The following TTC23 variants were observed in gnomAD, a reference collection of about 807,000 sequenced individuals.
TTC23 encodes tetratricopeptide repeat protein 23.
Under a neutral mutation model 55.1 loss-of-function variants are expected in TTC23, and 58 were observed. The observed-to-expected ratio is 1.05, with a 90% CI of 0.85 to 1.31. The LOEUF (loss-of-function observed/expected upper bound fraction) is 1.31, where lower values mean the gene tolerates loss of function less well. TTC23 is among the 50% of genes most tolerant of loss of function. The probability of loss-of-function intolerance (pLI) is 0.00; values close to 1 mark genes in which losing one functional copy is unlikely to be tolerated. For missense variants in TTC23, 516 were observed against 534.4 expected (o/e 0.97, Z 0.34); for synonymous variants, 203 against 199.9 (o/e 1.02, Z -0.13).
At chr15:99,206,404 G>A (rs1236116953) in intron 8 of TTC23, among the ~76,000 whole-genome samples, 1 of 152,142 alleles carries the variant, frequency 6.6e-6, no homozygotes, top group East Asian at 1.9e-4. Flanking sequence ...TTCTTAAAAT[G>A]TGTGGTAGAA....
intron 4 of TTC23, among the ~76,000 whole-genome samples, chr15:99,230,138 T>A (rs1172223125): frequency 3.3e-5 from 5 of 152,060 alleles, no homozygotes; most frequent in Admixed American, 1.3e-4. Flanking sequence ...ATAAAAACAT[T>A]AAAACAATTA....
chr15:99,217,105 A>G (rs1351368471), intron 8 of TTC23, among the ~76,000 whole-genome samples: 1 of 152,202 alleles, frequency 6.6e-6, no homozygotes, highest in African/African-American at 2.4e-5. Flanking sequence ...AGTGGAAAAA[A>G]TAAGAAGCAG....
intron 1 of TTC23, among the ~76,000 whole-genome samples, chr15:99,247,603 G>A (rs184277192): frequency 1.1e-3 from 169 of 152,296 alleles, no homozygotes; most frequent in Non-Finnish European, 1.8e-3. Context: ...GAAACTAGAT[G>A]CAAAGGATCG....
intron 9 of TTC23, among the ~76,000 whole-genome samples, chr15:99,193,498 A>G (rs569733904): frequency 6.6e-6 from 1 of 152,252 alleles, no homozygotes; most frequent in South Asian, 2.1e-4. Flanking sequence ...CCATCCACAT[A>G]TGACATGACT....
At chr15:99,192,594 T>C (rs2075336110) in intron 9 of TTC23, among the ~76,000 whole-genome samples, 1 of 152,152 alleles carries the variant, frequency 6.6e-6, no homozygotes, top group African/African-American at 2.4e-5. Context: ...TTTCACAAGA[T>C]GTATGGAAAT....
At chr15:99,202,368 G>T (rs2076272111) in intron 8 of TTC23, among the ~76,000 whole-genome samples, 1 of 152,084 alleles carries the variant, frequency 6.6e-6, no homozygotes, top group Admixed American at 6.5e-5. Flanking sequence ...TTGTTTCCCA[G>T]ACTGCCCGTA....
intron 11 of TTC23, chr15:99,158,015 T>C (rs1381702429): frequency 6.6e-6 from 1 of 152,092 alleles, no homozygotes; most frequent in Non-Finnish European, 1.5e-5. Flanking sequence ...AAGGAGGGCG[T>C]TTAATCCTTT....
chr15:99,151,324 G>A (rs2069706452), intron 12 of TTC23: 1 of 152,232 alleles, frequency 6.6e-6, no homozygotes, highest in East Asian at 1.9e-4. Flanking sequence ...CTGAGCCAGG[G>A]GTGGGCCCTG....
chr15:99,239,610 T>C (rs552509613), intron 3 of TTC23, among the ~76,000 whole-genome samples: 2 of 152,374 alleles, frequency 1.3e-5, no homozygotes, highest in African/African-American at 4.8e-5. Flanking sequence ...CACAGTGCTA[T>C]TTGAGATCCT....
upstream of TTC23, chr15:99,249,861 G>A (rs912402784): frequency 2.6e-5 from 4 of 152,004 alleles, no homozygotes; most frequent in African/African-American, 7.3e-5. Context: ...TCAAGAGTGG[G>A]GTCATAAAGT....
chr15:99,189,744 T>A (rs933808113), intron 9 of TTC23, among the ~76,000 whole-genome samples: 1 of 152,154 alleles, frequency 6.6e-6, no homozygotes, highest in Admixed American at 6.6e-5. Context: ...GAGAAACTAT[T>A]CTAGATTAAA....
intron 10 of TTC23, among the ~76,000 whole-genome samples, chr15:99,164,166 C>G (rs1285948101): frequency 6.6e-6 from 1 of 152,194 alleles, no homozygotes; most frequent in African/African-American, 2.4e-5. Flanking sequence ...GGCTCTAGCA[C>G]AGGGGTTGGC....
rs111998224 is a variant in TTC23, at chr15:99,225,661, T to A, written c.180+2872A>T. ...GTGAAGAAAGAAAAGCTCTTCCTTA[T>A]AATAGAATGCCAACAAACAAATGTT... On this transcript the variant is annotated intron_variant, in intron 5 of 13. Transcript: ENST00000394132. Among the ~76,000 whole-genome samples, 466 of 152,358 alleles carry A rather than the reference T, an allele frequency of 3.1e-3. 1 individual carries two copies. Among genetic ancestry groups the A allele is most frequent in the Non-Finnish European group, 5.6e-3 (381 of 68,026 alleles).
intron 8 of TTC23, among the ~76,000 whole-genome samples, chr15:99,202,913 G>A (rs187149429): frequency 4.5e-4 from 69 of 152,322 alleles, no homozygotes; most frequent in Admixed American, 3.8e-3. Flanking sequence ...TAAGATGTCC[G>A]TGAAAGTGCT....
chr15:99,242,683 A>C, intron 2 of TTC23, among the ~76,000 whole-genome samples: 1 of 152,238 alleles, frequency 6.6e-6, no homozygotes, highest in East Asian at 1.9e-4. Context: ...TTGGTTTAAC[A>C]TCTGAACTCA....
At position 99,139,307 on chromosome 15, in the gene TTC23, G is replaced by A. The variant is rs782692506; in HGVS notation, c.1226+10C>T. On this transcript the variant is annotated intron_variant, in intron 13 of 13. Coordinates refer to ENST00000394132, the MANE Select transcript of TTC23 (RefSeq NM_001288615.3). ...ATGAGATAGAGAAAGTGTGAGGGACGCCAACTCACGTGGACAGCATGCCCA... is the reference window on the plus strand; with the variant it reads ...ATGAGATAGAGAAAGTGTGAGGGACACCAACTCACGTGGACAGCATGCCCA... 24 of 1,610,504 alleles carry A rather than the reference G, an allele frequency of 1.5e-5. No homozygotes were observed. The highest frequency in any genetic ancestry group is 3.3e-4 in the Middle Eastern group (2 of 6,060).
chr15:99,219,158 T>A (rs2077709819), intron 6 of TTC23, 110 bp from the exon 7 acceptor site: 1 of 1,262,850 alleles, frequency 7.9e-7, no homozygotes, highest in African/African-American at 1.5e-5. Flanking sequence ...TATTGTCAAA[T>A]GACACATGGA....
chr15:99,197,643 C>T (rs1374664638), intron 9 of TTC23, among the ~76,000 whole-genome samples: 2 of 152,070 alleles, frequency 1.3e-5, no homozygotes, highest in Non-Finnish European at 2.9e-5. Context: ...CAGTAGCTCA[C>T]GTCTGTAATC....
chr15:99,145,671 T>C (rs988332930), intron 12 of TTC23, among the ~76,000 whole-genome samples: 2 of 151,544 alleles, frequency 1.3e-5, no homozygotes, highest in Admixed American at 6.6e-5. Flanking sequence ...TCAGTCTATG[T>C]CTCTCTCTCT....
Sources: gnomAD v4.1 joint callset for allele counts (sites outside exome capture counted in the v4.1 genomes callset) on GRCh38, gnomAD v4.1.1 for gene constraint, MANE v1.5 for transcripts, NCBI Gene and HGNC (gene_info 2026-07-23, HGNC 2026-07-21) for gene names.